The following NKAIN2 variants were observed in gnomAD, a reference collection of about 807,000 sequenced individuals.
The protein encoded by NKAIN2 is sodium/potassium-transporting ATPase subunit beta-1-interacting protein 2.
Under a neutral mutation model 32.6 loss-of-function variants are expected in NKAIN2, and 14 were observed. The observed-to-expected ratio is 0.43, with a 90% CI of 0.28 to 0.67. The LOEUF (loss-of-function observed/expected upper bound fraction) is 0.67, where lower values mean the gene tolerates loss of function less well. NKAIN2 is among the 30% of genes least tolerant of loss of function. The probability of loss-of-function intolerance (pLI) is 0.17; values close to 1 mark genes in which losing one functional copy is unlikely to be tolerated. For synonymous variants in NKAIN2, 80 were observed against 87.2 expected (o/e 0.92, Z 0.46); for missense variants, 198 against 258.3 (o/e 0.77, Z 1.60).
chr6:123,868,949 C>T (rs984048575), intron 1 of NKAIN2, among the ~76,000 whole-genome samples: 1 of 152,166 alleles, frequency 6.6e-6, no homozygotes, highest in Non-Finnish European at 1.5e-5. Context: ...AAATGACCTA[C>T]ATATTAATGA....
At chr6:124,130,612 ATTTT>A (rs11320716) in intron 1 of NKAIN2, among the ~76,000 whole-genome samples, 2 of 145,556 alleles carry the variant, frequency 1.4e-5, no homozygotes, top group African/African-American at 2.5e-5. Flanking sequence ...GTTTGCCCTT[ATTTT>A]TTTTTTTTTT....
At chr6:124,258,041 A>T (rs969414977) in intron 1 of NKAIN2, among the ~76,000 whole-genome samples, 1 of 151,902 alleles carries the variant, frequency 6.6e-6, no homozygotes, top group Admixed American at 6.6e-5. Flanking sequence ...CGGCCTCCCA[A>T]AGTGCTGGGA....
chr6:123,935,157 A>G lies in NKAIN2; in HGVS notation c.54+130903A>G, dbSNP rs867747326. Among the ~76,000 whole-genome samples, 9 of 147,674 alleles carry G rather than the reference A, an allele frequency of 6.1e-5. No homozygotes were observed. The South Asian group carries it at 1.0e-3, about 17-fold the overall frequency. ...ATATTTATTGAAAAATATATTAAAT[A>G]CATATATTTAAAAATAAATATATTA... On this transcript the variant is annotated intron_variant, in intron 1 of 6. Transcript: ENST00000368417.
intron 3 of NKAIN2, among the ~76,000 whole-genome samples, chr6:124,513,415 A>G (rs983594380): frequency 5.9e-5 from 9 of 152,140 alleles, no homozygotes; most frequent in African/African-American, 2.2e-4. Context: ...CATAATACCT[A>G]CCATTTTGTG....
intron 5 of NKAIN2, among the ~76,000 whole-genome samples, chr6:124,807,210 C>G (rs1190571903): frequency 6.6e-6 from 1 of 152,178 alleles, no homozygotes; most frequent in Non-Finnish European, 1.5e-5. Context: ...TACACCACAC[C>G]TATTCCAAAA....
At chr6:124,256,038 A>G (rs1793912680) in intron 1 of NKAIN2, among the ~76,000 whole-genome samples, 1 of 152,204 alleles carries the variant, frequency 6.6e-6, no homozygotes, top group African/African-American at 2.4e-5. Context: ...TTAGACATCC[A>G]ATTAAATCAC....
At chr6:124,047,555 G>A (rs1439174542) in intron 1 of NKAIN2, among the ~76,000 whole-genome samples, 1 of 151,842 alleles carries the variant, frequency 6.6e-6, no homozygotes, top group Non-Finnish European at 1.5e-5. Flanking sequence ...AGATAGATAG[G>A]GCTTCCTCCC....
At chr6:124,088,169 C>CA (rs5879715) in intron 1 of NKAIN2, among the ~76,000 whole-genome samples, 6,230 of 151,820 alleles carry the variant, frequency 0.041, 417 homozygotes, top group African/African-American at 0.14. Flanking sequence ...GCCCTTGCTA[C>CA]AAAAAATGGT....
At chr6:124,473,462 G>A (rs1467995656) in intron 3 of NKAIN2, among the ~76,000 whole-genome samples, 1 of 151,978 alleles carries the variant, frequency 6.6e-6, no homozygotes, top group Non-Finnish European at 1.5e-5. Flanking sequence ...AACATTTATG[G>A]CTTTGTGATT....
At chr6:123,849,076 C>A (rs1209696156) in intron 1 of NKAIN2, among the ~76,000 whole-genome samples, 2 of 152,156 alleles carry the variant, frequency 1.3e-5, no homozygotes, top group African/African-American at 4.8e-5. Flanking sequence ...ATTTTGGCAA[C>A]CAGATTTCCC....
intron 1 of NKAIN2, among the ~76,000 whole-genome samples, chr6:124,010,253 G>T (rs921158151): frequency 6.6e-6 from 1 of 151,986 alleles, no homozygotes; most frequent in African/African-American, 2.4e-5. Flanking sequence ...CCTGAGCACA[G>T]ATCAAAGTGG....
chr6:123,999,546 G>C (rs1372173191), intron 1 of NKAIN2, among the ~76,000 whole-genome samples: 1 of 152,058 alleles, frequency 6.6e-6, no homozygotes, highest in Non-Finnish European at 1.5e-5. Flanking sequence ...TTACCTCTAA[G>C]AAAAGTACTT....
At chr6:124,807,266 G>T (rs1271140024) in intron 5 of NKAIN2, among the ~76,000 whole-genome samples, 2 of 152,222 alleles carry the variant, frequency 1.3e-5, no homozygotes, top group African/African-American at 4.8e-5. Context: ...ACATGTAAAA[G>T]AACAGAAATT....
At chr6:124,618,521 T>G (rs1157918296) in intron 3 of NKAIN2, among the ~76,000 whole-genome samples, 2 of 152,140 alleles carry the variant, frequency 1.3e-5, no homozygotes, top group Non-Finnish European at 2.9e-5. Context: ...TTTTGCATTT[T>G]TCTACAAATG....
intron 1 of NKAIN2, among the ~76,000 whole-genome samples, chr6:124,255,258 T>A (rs1025557394): frequency 1.3e-5 from 2 of 152,236 alleles, no homozygotes; most frequent in African/African-American, 2.4e-5. Flanking sequence ...TATGAACATT[T>A]GTATTTATGA....
chr6:124,225,926 A>G (rs1233610705), intron 1 of NKAIN2, among the ~76,000 whole-genome samples: 2 of 151,984 alleles, frequency 1.3e-5, no homozygotes, highest in Non-Finnish European at 2.9e-5. Context: ...CTCTTTGTAC[A>G]CTGGTCATTT....
At chr6:123,948,294 A>T (rs1023466210) in intron 1 of NKAIN2, among the ~76,000 whole-genome samples, 2 of 152,090 alleles carry the variant, frequency 1.3e-5, no homozygotes, top group Non-Finnish European at 2.9e-5. Context: ...AAGTAGTGGG[A>T]TAGCTGAATC....
intron 1 of NKAIN2, among the ~76,000 whole-genome samples, chr6:124,148,172 T>C (rs934552391): frequency 1.3e-5 from 2 of 152,158 alleles, no homozygotes; most frequent in Non-Finnish European, 2.9e-5. Context: ...TTTTTCTTGT[T>C]CAAGAAATTA....
At chr6:123,874,285 T>C (rs990519203) in intron 1 of NKAIN2, among the ~76,000 whole-genome samples, 1 of 152,240 alleles carries the variant, frequency 6.6e-6, no homozygotes, top group Non-Finnish European at 1.5e-5. Flanking sequence ...CATTGTGTTA[T>C]ATTGTATTTG....
Sources: allele counts gnomAD v4.1 joint callset (sites outside exome capture counted in the v4.1 genomes callset), GRCh38; gene constraint gnomAD v4.1.1; transcripts MANE v1.5; gene names NCBI Gene and HGNC (gene_info 2026-07-23, HGNC 2026-07-21).